The following PRKG1 variants were observed in gnomAD, a reference collection of about 807,000 sequenced individuals.
PRKG1 encodes the protein cGMP-dependent protein kinase 1.
A neutral mutation model predicts 88.1 loss-of-function variants in PRKG1; 35 were observed. That is an observed-to-expected ratio of 0.40 (90% CI 0.30 to 0.53). The LOEUF is 0.53. Among genes scored for constraint, PRKG1 ranks in the 20% least tolerant of loss-of-function variants. PRKG1 has a pLI of 0.59. For synonymous variants in PRKG1, 303 were observed against 292.5 expected (o/e 1.04, Z -0.37); for missense variants, 540 against 839.8 (o/e 0.64, Z 4.41).
intron 3 of PRKG1, among the ~76,000 whole-genome samples, chr10:51,614,631 G>T (rs1235276507): frequency 1.3e-5 from 2 of 151,740 alleles, no homozygotes; most frequent in African/African-American, 4.8e-5. Context: ...TTTATTGTTT[G>T]TCATTGTGGT....
chr10:51,420,044 C>A (rs578113984), intron 2 of PRKG1, among the ~76,000 whole-genome samples: 14 of 152,112 alleles, frequency 9.2e-5, no homozygotes, highest in African/African-American at 3.4e-4. Context: ...TGTTGGGGGG[C>A]AGGTCTGGAA....
At chr10:51,038,494 G>C (rs1394821686) in intron 1 of PRKG1, among the ~76,000 whole-genome samples, 1 of 152,098 alleles carries the variant, frequency 6.6e-6, no homozygotes, top group African/African-American at 2.4e-5. Flanking sequence ...CCCCTCCTCA[G>C]TCTCTGGTAA....
intron 5 of PRKG1, among the ~76,000 whole-genome samples, chr10:52,046,397 G>A (rs908893362): frequency 2.6e-5 from 4 of 151,952 alleles, no homozygotes; most frequent in African/African-American, 9.7e-5. Flanking sequence ...CATCCAGTGA[G>A]GAATCACTGC....
intron 2 of PRKG1, among the ~76,000 whole-genome samples, chr10:51,456,895 A>G (rs1342012252): frequency 1.3e-5 from 2 of 152,182 alleles, no homozygotes; most frequent in Non-Finnish European, 2.9e-5. Flanking sequence ...ATACCACCTT[A>G]CTCCTACAAG....
At chr10:51,645,007 C>T (rs1464110781) in intron 3 of PRKG1, among the ~76,000 whole-genome samples, 1 of 152,038 alleles carries the variant, frequency 6.6e-6, no homozygotes, top group Non-Finnish European at 1.5e-5. Context: ...AGGCTGGTCT[C>T]GAACTCCTAA....
chr10:51,737,740 A>ATTTATTAATTATT (rs765792966), intron 3 of PRKG1, among the ~76,000 whole-genome samples: 4 of 133,422 alleles, frequency 3.0e-5, no homozygotes, highest in South Asian at 4.8e-4. Flanking sequence ...TTTATTTATT[A>ATTTATTAATTATT]ATTATTATTA....
At chr10:52,289,065 G>C (rs1361676674) in intron 16 of PRKG1, 72 bp downstream of exon 16, 1 of 1,407,416 alleles carries the variant, frequency 7.1e-7, no homozygotes, top group Non-Finnish European at 9.9e-7. Flanking sequence ...TAAGTTATTG[G>C]TGTAAAACTA....
At chr10:52,081,950 T>C (rs1189485804) in intron 7 of PRKG1, among the ~76,000 whole-genome samples, 1 of 152,134 alleles carries the variant, frequency 6.6e-6, no homozygotes, top group Admixed American at 6.6e-5. Flanking sequence ...TCCATTCTCA[T>C]GCTGCTATAA....
chr10:52,053,466 A>G (rs1206241182), intron 5 of PRKG1, among the ~76,000 whole-genome samples: 2 of 152,172 alleles, frequency 1.3e-5, no homozygotes, highest in Non-Finnish European at 2.9e-5. Context: ...CTGCATGTAA[A>G]CCACGAATTC....
intron 4 of PRKG1, among the ~76,000 whole-genome samples, chr10:51,866,912 C>T (rs36058691): frequency 0.17 from 26,056 of 152,030 alleles, 2,945 homozygotes; most frequent in Non-Finnish European, 0.24. Context: ...ATCCCCAAAA[C>T]CTCAGTCTAA....
chr10:51,031,276 C>T (rs1589114878), intron 1 of PRKG1, among the ~76,000 whole-genome samples: 1 of 152,178 alleles, frequency 6.6e-6, no homozygotes, highest in East Asian at 1.9e-4. Flanking sequence ...GGCATATTTA[C>T]CCTGTTTGCA....
chr10:51,318,823 G>C (rs749866739), intron 2 of PRKG1, among the ~76,000 whole-genome samples: 52 of 152,122 alleles, frequency 3.4e-4, no homozygotes, highest in Admixed American at 2.4e-3. Context: ...TAAATTAGAG[G>C]CTATCTTGAT....
intron 5 of PRKG1, among the ~76,000 whole-genome samples, chr10:51,937,977 C>T (rs1456271761): frequency 6.6e-6 from 1 of 152,052 alleles, no homozygotes; most frequent in Non-Finnish European, 1.5e-5. Context: ...ACGCTATCTG[C>T]CTGTTAGTCA....
At chr10:51,885,699 TGC>T (rs1841550084) in intron 4 of PRKG1, among the ~76,000 whole-genome samples, 1 of 152,236 alleles carries the variant, frequency 6.6e-6, no homozygotes, top group Non-Finnish European at 1.5e-5. Flanking sequence ...AGTTCTGGAA[TGC>T]TGATATCCTA....
At chr10:51,027,951 T>G (rs1589113550) in intron 1 of PRKG1, among the ~76,000 whole-genome samples, 2 of 152,210 alleles carry the variant, frequency 1.3e-5, no homozygotes, top group African/African-American at 4.8e-5. Flanking sequence ...TATATACAGC[T>G]GATTTCTCTC....
chr10:52,186,247 C>G lies in PRKG1; in HGVS notation c.1076+24284C>G, dbSNP rs543697964. Among the ~76,000 whole-genome samples, 7 of 152,192 alleles carry G rather than the reference C, an allele frequency of 4.6e-5. No individual in the cohort carries two copies. In the South Asian group the frequency reaches 1.5e-3, roughly 32 times the overall value. ...GTCATGGTGGAAGGGAAAGGAGAAG[C>G]AGGCATATCATAGGATTATAGTGGT... On this transcript the variant is annotated intron_variant, in intron 9 of 17. Coordinates refer to ENST00000373980, the MANE Select transcript of PRKG1 (RefSeq NM_006258.4).
At chr10:51,725,868 A>T (rs2132460481) in intron 3 of PRKG1, among the ~76,000 whole-genome samples, 1 of 152,146 alleles carries the variant, frequency 6.6e-6, no homozygotes, top group East Asian at 1.9e-4. Flanking sequence ...TGAACTCCTG[A>T]CTTCAAGTGA....
chr10:51,958,876 G>A (rs890358752), intron 5 of PRKG1, among the ~76,000 whole-genome samples: 1 of 151,986 alleles, frequency 6.6e-6, no homozygotes, highest in African/African-American at 2.4e-5. Flanking sequence ...CATTACCTGG[G>A]CCTTCTAGTC....
intron 1 of PRKG1, among the ~76,000 whole-genome samples, chr10:51,041,110 C>T (rs569424984): frequency 1.3e-5 from 2 of 152,064 alleles, no homozygotes; most frequent in South Asian, 2.1e-4. Flanking sequence ...CACCACCCCA[C>T]GCCTGGAGTG....
Sources: gnomAD v4.1 joint callset for allele counts (sites outside exome capture counted in the v4.1 genomes callset) on GRCh38, gnomAD v4.1.1 for gene constraint, MANE v1.5 for transcripts, NCBI Gene and HGNC (gene_info 2026-07-23, HGNC 2026-07-21) for gene names.